Variants in SELENOP observed in about 807,000 individuals in gnomAD.
The protein encoded by SELENOP is selenoprotein P, plasma, 1.
Under a neutral mutation model 41.0 loss-of-function variants are expected in SELENOP, and 36 were observed. The observed-to-expected ratio is 0.88, with a 90% CI of 0.67 to 1.16. The LOEUF (loss-of-function observed/expected upper bound fraction) is 1.16, where lower values mean the gene tolerates loss of function less well. Ranked by LOEUF, SELENOP falls within the 50% of genes most tolerant of loss-of-function variation. The probability of loss-of-function intolerance (pLI) is 0.00; values close to 1 mark genes in which losing one functional copy is unlikely to be tolerated. For missense variants in SELENOP, 440 were observed against 454.2 expected, an observed-to-expected ratio of 0.97 and a Z score of 0.28; for synonymous variants, 144 against 150.8, an observed-to-expected ratio of 0.95 and a Z score of 0.33.
chr5:42,809,823 G>GAGAGA, intron 1 of SELENOP: 1 of 890,920 alleles, frequency 1.1e-6, no homozygotes, highest in Non-Finnish European at 1.3e-6. Context: ...TAGAGAGAGA[G>GAGAGA]GACAAATTAA....
rs546704236 is a variant in SELENOP at position 42,811,835 on chromosome 5, C to A, written c.-14+1G>T. On this transcript the variant is annotated splice_donor_variant, in intron 1 of 4. Coordinates refer to ENST00000514985, the MANE Select transcript of SELENOP (RefSeq NM_005410.4). LOFTEE classifies it low-confidence loss of function (5UTR_SPLICE). ...TCAGAAAACACGAAGTTCCTACTTA[C>A]ACAACCACTTCCAACGGGCCTGCTT... 6.6e-6 allele frequency: 1 copy of A among 152,304 alleles called. No individual in the cohort carries two copies. The highest frequency in any genetic ancestry group is 2.1e-4 in the South Asian group (1 of 4,822). The allele number at this position is 152,304 out of a possible 1,614,324, so 9.4% of individuals were successfully genotyped here.
At chr5:42,802,854 C>T (rs1236332531) in intron 4 of SELENOP, among the ~76,000 whole-genome samples, 1 of 152,198 alleles carries the variant, frequency 6.6e-6, no homozygotes, top group Non-Finnish European at 1.5e-5. Context: ...CGTGATTCAT[C>T]CACCTCGGCC....
chr5:42,801,455 A>G (rs1760201128), intron 4 of SELENOP, 124 bp from the exon 5 acceptor site: 1 of 705,860 alleles, frequency 1.4e-6, no homozygotes. Flanking sequence ...CTGGCTTTGT[A>G]TTATATTAAT....
chr5:42,810,453 C>CTATT (rs1267542326), intron 1 of SELENOP, among the ~76,000 whole-genome samples: 63 of 151,998 alleles, frequency 4.1e-4, no homozygotes, highest in African/African-American at 1.3e-3. Context: ...ATTTATTTAT[C>CTATT]TATTTATTTA....
chr5:42,801,150 G>A lies in SELENOP; in HGVS notation c.716C>T (p.Ala239Val). Residue 239 changes from alanine to valine, a missense_variant, in exon 5 of 5, where the codon GCT becomes GTT. Transcript: ENST00000514985. ...PGAPNAPTHP[A>V]PPGLHHHHKH... ...ATGGTGGTGATGAAGGCCTGGAGGA[G>A]CAGGATGAGTAGGAGCATTTGGTGC... 3 of 1,614,040 alleles carry A rather than the reference G, an allele frequency of 1.9e-6. No homozygotes were observed. In the East Asian group the frequency reaches 6.7e-5, roughly 36 times the overall value.
chr5:42,807,238 A>G (rs901691290), intron 2 of SELENOP, 130 bp from the exon 3 acceptor site: 30 of 496,930 alleles, frequency 6.0e-5, no homozygotes, highest in Middle Eastern at 1.1e-3. Flanking sequence ...TACTGCACCT[A>G]TTCTTTATAT....
intron 1 of SELENOP, among the ~76,000 whole-genome samples, chr5:42,810,476 T>C (rs906232677): frequency 2.6e-5 from 4 of 152,174 alleles, no homozygotes; most frequent in African/African-American, 7.2e-5. Context: ...TATTTATTTT[T>C]TGAGACGGAG....
chr5:42,803,819 A>G (rs146973162), intron 4 of SELENOP, among the ~76,000 whole-genome samples: 1 of 152,350 alleles, frequency 6.6e-6, no homozygotes, highest in African/African-American at 2.4e-5. Context: ...AATACCAGTA[A>G]TGAGTAGAAA....
Position 42,800,791 on chromosome 5 carries a change from T to C in SELENOP, c.1075A>G (p.Ile359Val), listed in dbSNP as rs777031512. 6.2e-7 allele frequency: 1 copy of C among 1,614,252 alleles called. No individual in the cohort carries two copies. Among genetic ancestry groups the C allele is most frequent in the Non-Finnish European group, 8.5e-7 (1 of 1,180,026 alleles). Reference sequence around the variant, plus strand: ...CAACTGGCACTGGCTTCTGTGGGTATAAGCTGCTGACTTATTTGTCAGGCA... The same window carrying C: ...CAACTGGCACTGGCTTCTGTGGGTACAAGCTGCTGACTTATTTGTCAGGCA... Reference protein sequence around the residue: ...PAAUQISQQLIPTEASASURU... With the variant: ...PAAUQISQQLVPTEASASURU... The change falls in exon 5 of 5, where the codon ATA becomes GTA. Residue 359 changes from isoleucine (I) to valine (V), a missense_variant. Ile to Val is a conservative substitution (Grantham distance 29). Transcript: ENST00000514985.
At chr5:42,801,421 T>G in intron 4 of SELENOP, 90 bp from the exon 5 acceptor site, 3 of 973,694 alleles carry the variant, frequency 3.1e-6, no homozygotes, top group Non-Finnish European at 3.0e-6. Flanking sequence ...CATGTGAAAT[T>G]CCAACTAGTT....
At chr5:42,804,913 A>G in intron 3 of SELENOP, 140 bp from the exon 4 acceptor site, 1 of 517,196 alleles carries the variant, frequency 1.9e-6, no homozygotes, top group Non-Finnish European at 3.4e-6. Flanking sequence ...TCTTTGGATG[A>G]GAGCTACAAA....
At chr5:42,811,678 A>G (rs183352703) in intron 1 of SELENOP, among the ~76,000 whole-genome samples, 158 bp downstream of exon 1, 3 of 152,374 alleles carry the variant, frequency 2.0e-5, no homozygotes, top group Admixed American at 6.5e-5. Context: ...ACCTAAGTTC[A>G]GACTCTTCTT....
In SELENOP at chr5:42,800,552, A is replaced by G. The variant is rs1028876379; in HGVS notation, c.*168T>C. On this transcript the variant is annotated 3_prime_UTR_variant, in exon 5 of 5. Transcript: ENST00000514985. ...ATCATAAAAAATATGGTTTGAGTCA[A>G]TATTTCTATGACATAAAATTTAAAA... The G allele has an allele frequency of 2.6e-6, 2 of 772,520 alleles. No homozygotes were observed. The highest frequency in any genetic ancestry group is 6.4e-5 in the Admixed American group (2 of 31,418). The allele number at this position is 772,520 out of a possible 1,614,324, so 47.9% of individuals were successfully genotyped here. A position where few individuals can be genotyped will look rare whatever the true frequency, so the allele number is the denominator to read the frequency against.
At chr5:42,808,725 G>A (rs753720791) in intron 1 of SELENOP, among the ~76,000 whole-genome samples, 7 of 150,958 alleles carry the variant, frequency 4.6e-5, no homozygotes, top group South Asian at 2.1e-4. Flanking sequence ...TGGCTAACAC[G>A]GTGAAACCCC....
intron 4 of SELENOP, among the ~76,000 whole-genome samples, chr5:42,802,619 T>G (rs1760233321): frequency 6.6e-6 from 1 of 152,158 alleles, no homozygotes; most frequent in Non-Finnish European, 1.5e-5. Flanking sequence ...TTTCATTTAT[T>G]TATTTATTTA....
Position 42,807,065 on chromosome 5 carries a change from T to C in SELENOP, c.247A>G (p.Asn83Asp), listed in dbSNP as rs776973904. 2 of 1,547,018 alleles carry C rather than the reference T, an allele frequency of 1.3e-6. No individual in the cohort carries two copies. Among genetic ancestry groups the C allele is most frequent in the East Asian group, 4.5e-5 (2 of 44,306 alleles). Residue 83 changes from asparagine (N) to aspartate (D), a missense_variant, in exon 3 of 5, where the codon AAT becomes GAT. Coordinates refer to ENST00000514985, the MANE Select transcript of SELENOP (RefSeq NM_005410.4). ...RVKLKKEGYS[N>D]ISYIVVNHQG... ...TGATTAACAACAATATAAGAAATAT[T>C]AGAATATCCTTCTTTCTTCAGTTTT...
At position 42,801,151 on chromosome 5, in the gene SELENOP, C is replaced by A. The variant is rs1223869892; in HGVS notation, c.715G>T (p.Ala239Ser). The change falls in exon 5 of 5, where the codon GCT becomes TCT. Residue 239 changes from alanine to serine, a missense_variant. Coordinates refer to ENST00000514985, the MANE Select transcript of SELENOP (RefSeq NM_005410.4). ...TGGTGGTGATGAAGGCCTGGAGGAG[C>A]AGGATGAGTAGGAGCATTTGGTGCT... is the stretch of plus-strand genomic sequence containing the variant. The part of the protein sequence containing the change: ...PGAPNAPTHP[A>S]PPGLHHHHKH... The A allele has an allele frequency of 6.2e-7, 1 of 1,613,986 alleles. No individual in the cohort carries two copies. The highest frequency in any genetic ancestry group is 1.1e-5 in the South Asian group (1 of 91,078).
At chr5:42,805,616 AC>A (rs1760315199) in intron 3 of SELENOP, 1 of 152,206 alleles carries the variant, frequency 6.6e-6, no homozygotes, top group Non-Finnish European at 1.5e-5. Flanking sequence ...TAAATGATTA[AC>A]TCACTTTACA....
In SELENOP at chr5:42,807,117, T is replaced by C. The variant is rs752540729; in HGVS notation, c.204-9A>G. 121 of 1,318,108 alleles carry C rather than the reference T, an allele frequency of 9.2e-5. No individual in the cohort carries two copies. The highest frequency in any genetic ancestry group is 1.3e-4 in the Non-Finnish European group (118 of 929,916). The allele number at this position is 1,318,108 out of a possible 1,614,324, so 81.7% of individuals were successfully genotyped here. On this transcript the variant is annotated splice_polypyrimidine_tract_variant and intron_variant, in intron 2 of 4. Coordinates refer to ENST00000514985, the MANE Select transcript of SELENOP (RefSeq NM_005410.4). ...CTCGCAGGTCTTCTAATCTAAAATA[T>C]TTGGGAAGAAATACATAAAATGAAT...
Sources: gnomAD v4.1 joint callset for allele counts (sites outside exome capture counted in the v4.1 genomes callset) on GRCh38, gnomAD v4.1.1 for gene constraint, MANE v1.5 for transcripts, NCBI Gene and HGNC (gene_info 2026-07-23, HGNC 2026-07-21) for gene names.